Variants in EFCAB6 observed in about 807,000 individuals in gnomAD.
The protein encoded by EFCAB6 is EF-hand calcium binding domain 6.
A neutral mutation model predicts 169.8 loss-of-function variants in EFCAB6; 156 were observed. The ratio of observed to expected loss-of-function variants is 0.92; its 90% CI spans 0.81 to 1.05. The LOEUF (loss-of-function observed/expected upper bound fraction) is 1.05, where lower values mean the gene tolerates loss of function less well. EFCAB6 is among the 50% of genes least tolerant of loss of function. The pLI is 0.00. For synonymous variants in EFCAB6, 698 were observed against 676.4 expected, an observed-to-expected ratio of 1.03 and a Z score of -0.50; for missense variants, 1,800 against 1,829.1, an observed-to-expected ratio of 0.98 and a Z score of 0.29.
At chr22:43,601,173 G>T (rs1354965239) in intron 22 of EFCAB6, among the ~76,000 whole-genome samples, 1 of 152,106 alleles carries the variant, frequency 6.6e-6, no homozygotes, top group Non-Finnish European at 1.5e-5. Context: ...AACAAGATAA[G>T]AATTATGCTA....
Position 43,554,853 on chromosome 22 carries a change from G to C in EFCAB6, c.3648+16C>G. ...GCCAACGGTGTGCAGGGTGAGGACT[G>C]ACTGGCGTTTCTTACCTGTTCGTCC... On this transcript the variant is annotated intron_variant, in intron 27 of 31. Coordinates refer to ENST00000262726, the MANE Select transcript of EFCAB6 (RefSeq NM_022785.4). 6.2e-7 allele frequency: 1 copy of C among 1,612,140 alleles called. No individual in the cohort carries two copies. The highest frequency in any genetic ancestry group is 8.5e-7 in the Non-Finnish European group (1 of 1,178,168).
At chr22:43,807,571 A>G (rs1162438227) in intron 2 of EFCAB6, among the ~76,000 whole-genome samples, 18 of 152,258 alleles carry the variant, frequency 1.2e-4, no homozygotes, top group Admixed American at 1.2e-3. Flanking sequence ...AGTGCCATCC[A>G]TCTGCCTTGG....
intron 2 of EFCAB6, among the ~76,000 whole-genome samples, chr22:43,799,802 A>C (rs1339860701): frequency 6.6e-6 from 1 of 152,146 alleles, no homozygotes; most frequent in Non-Finnish European, 1.5e-5. Context: ...CACAGCTATG[A>C]GGGGACAGTA....
At chr22:43,736,873 C>T (rs1412963341) in intron 6 of EFCAB6, among the ~76,000 whole-genome samples, 3 of 152,162 alleles carry the variant, frequency 2.0e-5, no homozygotes, top group South Asian at 2.1e-4. Context: ...TCCAGCCCCA[C>T]GCTGCAGCCG....
chr22:43,622,599 C>A (rs561117860), intron 20 of EFCAB6, among the ~76,000 whole-genome samples: 14 of 152,242 alleles, frequency 9.2e-5, no homozygotes, highest in African/African-American at 3.4e-4. Flanking sequence ...CAAACAAACT[C>A]ATTCTATTTT....
chr22:43,800,351 AC>A (rs1404130867), intron 2 of EFCAB6, among the ~76,000 whole-genome samples: 3 of 152,170 alleles, frequency 2.0e-5, no homozygotes, highest in African/African-American at 7.2e-5. Flanking sequence ...AAGAAAATAT[AC>A]CCAAAGAAAA....
intron 17 of EFCAB6, among the ~76,000 whole-genome samples, chr22:43,654,504 G>C (rs750569361): frequency 6.6e-6 from 1 of 152,258 alleles, no homozygotes; most frequent in Non-Finnish European, 1.5e-5. Context: ...AAGGGCACCC[G>C]CCTCTGCGGT....
chr22:43,586,157 T>A (rs1046238928), intron 24 of EFCAB6, among the ~76,000 whole-genome samples: 2 of 152,026 alleles, frequency 1.3e-5, no homozygotes, highest in Middle Eastern at 3.2e-3. Context: ...ATAACAACCA[T>A]GTGTTGGGTG....
chr22:43,750,620 C>T (rs1182171342), intron 6 of EFCAB6, among the ~76,000 whole-genome samples: 2 of 152,092 alleles, frequency 1.3e-5, no homozygotes, highest in Admixed American at 1.3e-4. Flanking sequence ...AGTAAATGGC[C>T]TCATTTTGAG....
At chr22:43,662,733 C>T (rs759763111) in intron 17 of EFCAB6, among the ~76,000 whole-genome samples, 1 of 152,222 alleles carries the variant, frequency 6.6e-6, no homozygotes, top group Non-Finnish European at 1.5e-5. Context: ...TTGAAACACA[C>T]GGCCATCAAT....
At chr22:43,653,256 T>C (rs2056568176) in intron 17 of EFCAB6, among the ~76,000 whole-genome samples, 1 of 152,220 alleles carries the variant, frequency 6.6e-6, no homozygotes, top group South Asian at 2.1e-4. Flanking sequence ...TAAAGAAAGC[T>C]GCATTGAGAC....
chr22:43,544,671 G>T (rs144118717), intron 27 of EFCAB6, among the ~76,000 whole-genome samples: 1 of 151,822 alleles, frequency 6.6e-6, no homozygotes, highest in Non-Finnish European at 1.5e-5. Flanking sequence ...ATCCTTTCTG[G>T]TTCTCCAGCC....
rs992760735 is a variant in EFCAB6 at position 43,598,865 on chromosome 22, C to T, written c.2876+1204G>A. Among the ~76,000 whole-genome samples, 3 of 152,052 alleles carry T rather than the reference C, an allele frequency of 2.0e-5. 1 individual carries two copies. Among genetic ancestry groups the T allele is most frequent in the Non-Finnish European group, 4.4e-5 (3 of 68,002 alleles). On this transcript the variant is annotated intron_variant, in intron 23 of 31. Transcript: ENST00000262726. ...TAAATGTTTGAGATGATGGATATACCGATTACCCTGATTTGATCATTACAC... is the reference window on the plus strand; with the variant it reads ...TAAATGTTTGAGATGATGGATATACTGATTACCCTGATTTGATCATTACAC...
intron 27 of EFCAB6, among the ~76,000 whole-genome samples, chr22:43,550,844 G>A (rs1012817552): frequency 6.6e-6 from 1 of 151,978 alleles, no homozygotes; most frequent in African/African-American, 2.4e-5. Context: ...AGTTCCGACT[G>A]CCTTTTATCA....
intron 17 of EFCAB6, among the ~76,000 whole-genome samples, chr22:43,635,945 C>T (rs952118333): frequency 6.6e-6 from 1 of 152,128 alleles, no homozygotes; most frequent in Non-Finnish European, 1.5e-5. Context: ...GAGCTGCCTG[C>T]GTGGATGTGA....
chr22:43,717,866 T>C (rs1177091882), intron 8 of EFCAB6, among the ~76,000 whole-genome samples: 3 of 152,182 alleles, frequency 2.0e-5, no homozygotes, highest in African/African-American at 7.2e-5. Context: ...TCATAGAAGA[T>C]GAATTTTATA....
At chr22:43,559,548 A>T (rs1298837762) in intron 26 of EFCAB6, among the ~76,000 whole-genome samples, 1 of 152,230 alleles carries the variant, frequency 6.6e-6, no homozygotes, top group East Asian at 1.9e-4. Flanking sequence ...TTCTACTATA[A>T]AGACACATAC....
intron 17 of EFCAB6, among the ~76,000 whole-genome samples, chr22:43,641,201 C>T (rs910691686): frequency 6.6e-6 from 1 of 152,210 alleles, no homozygotes; most frequent in Non-Finnish European, 1.5e-5. Context: ...GCTGGCAACA[C>T]TCATCAGGCT....
intron 4 of EFCAB6, among the ~76,000 whole-genome samples, chr22:43,772,641 C>A (rs1307573243): frequency 3.1e-4 from 37 of 120,128 alleles, no homozygotes; most frequent in African/African-American, 3.5e-4. Context: ...AATTCTGTCT[C>A]AAAAAAAAAA....
Sources: allele counts gnomAD v4.1 joint callset (sites outside exome capture counted in the v4.1 genomes callset), GRCh38; gene constraint gnomAD v4.1.1; transcripts MANE v1.5; gene names NCBI Gene and HGNC (gene_info 2026-07-23, HGNC 2026-07-21).